Variants in COX20 observed in about 807,000 individuals in gnomAD.
COX20 encodes the protein cytochrome c oxidase assembly factor COX20.
Under a neutral mutation model 14.3 loss-of-function variants are expected in COX20, and 14 were observed. The ratio of observed to expected loss-of-function variants is 0.98; its 90% CI spans 0.65 to 1.53. COX20 has a LOEUF of 1.53. COX20 is among the 40% of genes most tolerant of loss of function. The probability of loss-of-function intolerance (pLI) is 0.00; values close to 1 mark genes in which losing one functional copy is unlikely to be tolerated. For synonymous variants in COX20, 56 were observed against 51.7 expected, an observed-to-expected ratio of 1.08 and a Z score of -0.36; for missense variants, 149 against 142.1, an observed-to-expected ratio of 1.05 and a Z score of -0.25.
At chr1:244,841,339 CAAAG>C (rs1297461989) in intron 1 of COX20, 1 of 152,208 alleles carries the variant, frequency 6.6e-6, no homozygotes, top group Non-Finnish European at 1.5e-5. Context: ...GTATTACGAA[CAAAG>C]AATCAAATAT....
rs1208640276 is a variant in COX20 at position 244,841,968 on chromosome 1, G to A, written c.67G>A (p.Asp23Asn). ...GTCCCTTAAGCTCCTAGGATTTTTA[G>A]ATGTTGAAAATACTCCCTGCGCCCG... Reference protein sequence around the residue: ...RKSLKLLGFLDVENTPCARHS... With the variant: ...RKSLKLLGFLNVENTPCARHS... The change falls in exon 2 of 4, where the codon GAT becomes AAT. Residue 23 changes from aspartate (D) to asparagine (N), a missense_variant. Physicochemically the swap from Asp to Asn is conservative, Grantham distance 23. Transcript: ENST00000411948. 1.9e-6 allele frequency: 3 copies of A among 1,602,852 alleles called. No homozygotes were observed. Among genetic ancestry groups the A allele is most frequent in the Non-Finnish European group, 2.6e-6 (3 of 1,171,560 alleles).
At position 244,843,318 on chromosome 1, in the gene COX20, G is replaced by C. The variant is rs189065914; in HGVS notation, c.*142G>C. On this transcript the variant is annotated 3_prime_UTR_variant, in exon 4 of 4. Transcript: ENST00000411948. ...CCACACTTGTGTGGAATGAAAACTTGCCAGTTTATTCTGGCCCTGTGTCTA... is the reference window on the plus strand; with the variant it reads ...CCACACTTGTGTGGAATGAAAACTTCCCAGTTTATTCTGGCCCTGTGTCTA... The C allele has an allele frequency of 9.8e-5, 94 of 963,588 alleles. No homozygotes were observed. The Admixed American group carries it at 2.8e-3, about 28-fold the overall frequency. The allele number at this position is 963,588 out of a possible 1,614,324, so 59.7% of individuals were successfully genotyped here. A position where few individuals can be genotyped will look rare whatever the true frequency, so the allele number is the denominator to read the frequency against.
At chr1:244,837,466 C>A (rs1306955313) in intron 1 of COX20, among the ~76,000 whole-genome samples, 1 of 152,154 alleles carries the variant, frequency 6.6e-6, no homozygotes, top group East Asian at 1.9e-4. Flanking sequence ...ATGGGAGTTA[C>A]CAAGCTGGCA....
rs1241404355 is a variant in COX20, at chr1:244,844,369, T to C, written c.*1193T>C. The C allele has an allele frequency of 6.6e-6, 1 of 152,216 alleles. No individual in the cohort carries two copies. Among genetic ancestry groups the C allele is most frequent in the Non-Finnish European group, 1.5e-5 (1 of 68,040 alleles). The allele number at this position is 152,216 out of a possible 1,614,324, so 9.4% of individuals were successfully genotyped here. On this transcript the variant is annotated 3_prime_UTR_variant, in exon 4 of 4. Transcript: ENST00000411948. Reference sequence around the variant, plus strand: ...CAAACACATGTTGAGGGAAAATTTTTACTGATTCACAAAAAGGAAGACAGT... The same window carrying C: ...CAAACACATGTTGAGGGAAAATTTTCACTGATTCACAAAAAGGAAGACAGT...
At chr1:244,842,116 T>G in intron 2 of COX20, 58 bp downstream of exon 2, 1 of 1,497,304 alleles carries the variant, frequency 6.7e-7, no homozygotes. Context: ...CTCTACATAA[T>G]GAACTATTTT....
At chr1:244,841,832 C>G in intron 1 of COX20, 112 bp from the exon 2 acceptor site, 1 of 650,666 alleles carries the variant, frequency 1.5e-6, no homozygotes, top group South Asian at 2.0e-5. Flanking sequence ...GGCACATACT[C>G]TAGTTTAAAC....
At position 244,842,054 on chromosome 1, in the gene COX20, C is replaced by G. The variant is rs1299650343; in HGVS notation, c.153C>G (p.Phe51Leu). 1 of 1,593,536 alleles carries G rather than the reference C, an allele frequency of 6.3e-7. No homozygotes were observed. The highest frequency in any genetic ancestry group is 1.3e-5 in the African/African-American group (1 of 74,336). The change falls in exon 2 of 4, where the codon TTC (phenylalanine) becomes TTG (leucine). Residue 51 changes from phenylalanine to leucine, a missense_variant. Coordinates refer to ENST00000411948, the MANE Select transcript of COX20 (RefSeq NM_198076.6). ...SVVAGFGHFL[F>L]TSRIRRSCDV... ...TGGCTGGCTTTGGACATTTTTTGTT[C>G]ACTAGTGAGTATCTGTATTTTTTAT...
intron 1 of COX20, among the ~76,000 whole-genome samples, chr1:244,837,429 A>G (rs1013092204): frequency 1.3e-5 from 2 of 152,170 alleles, no homozygotes; most frequent in East Asian, 1.9e-4. Context: ...TTATTTTATT[A>G]TAAGAATTAG....
intron 1 of COX20, among the ~76,000 whole-genome samples, chr1:244,837,296 A>C (rs1170373326): frequency 6.6e-6 from 1 of 152,222 alleles, no homozygotes; most frequent in Non-Finnish European, 1.5e-5. Context: ...CCCATCAAAA[A>C]GCTAATTAAA....
rs895752065 is a variant in COX20 at position 244,844,830 on chromosome 1, G to A, written c.*1654G>A. 1 of 151,854 alleles carries A rather than the reference G, an allele frequency of 6.6e-6. No individual in the cohort carries two copies. 9.4% of individuals were successfully genotyped at this position (151,854 alleles called of 1,614,324 possible). On this transcript the variant is annotated 3_prime_UTR_variant, in exon 4 of 4. Transcript: ENST00000411948. Reference sequence around the variant, plus strand: ...TCAGAGGCCGCACTGCATGAATGCGGGAAAATGTTGATGATCACTAATCAA... The same window carrying A: ...TCAGAGGCCGCACTGCATGAATGCGAGAAAATGTTGATGATCACTAATCAA...
rs935017980 is a variant in COX20 at position 244,835,695 on chromosome 1, G to C, written c.-20G>C. The C allele has an allele frequency of 2.4e-6, 3 of 1,253,370 alleles. No individual in the cohort carries two copies. Among genetic ancestry groups the C allele is most frequent in the East Asian group, 3.1e-5 (1 of 31,886 alleles). The allele number at this position is 1,253,370 out of a possible 1,614,324, so 77.6% of individuals were successfully genotyped here. A position where few individuals can be genotyped will look rare whatever the true frequency, so the allele number is the denominator to read the frequency against. Reference sequence around the variant, plus strand: ...GCGACCCCGGCGGTGCAGGGCGGGTGGAGTCGCGGAGTAGTCCTCATGGCC... The same window carrying C: ...GCGACCCCGGCGGTGCAGGGCGGGTCGAGTCGCGGAGTAGTCCTCATGGCC... On this transcript the variant is annotated 5_prime_UTR_variant, in exon 1 of 4. Transcript: ENST00000411948.
chr1:244,838,828 T>C (rs983527090), intron 1 of COX20, among the ~76,000 whole-genome samples: 2 of 152,134 alleles, frequency 1.3e-5, no homozygotes, highest in South Asian at 2.1e-4. Flanking sequence ...CTTCTTGCTC[T>C]GTTGCCCAGG....
At position 244,844,917 on chromosome 1, in the gene COX20, C is replaced by T. The variant is rs1680368230; in HGVS notation, c.*1741C>T. On this transcript the variant is annotated 3_prime_UTR_variant, in exon 4 of 4. Transcript: ENST00000411948. ...ATGCTCAGTTTTACCTTAGTTATTC[C>T]TTGGTATCCACAGGCCCAAGTCCCT... 1.3e-5 allele frequency: 2 copies of T among 152,400 alleles called. No homozygotes were observed. Among genetic ancestry groups the T allele is most frequent in the Non-Finnish European group, 2.9e-5 (2 of 68,026 alleles). 9.4% of individuals were successfully genotyped at this position (152,400 alleles called of 1,614,324 possible). A position where few individuals can be genotyped will look rare whatever the true frequency, so the allele number is the denominator to read the frequency against.
upstream of COX20, chr1:244,835,396 G>C (rs1679926285): frequency 3.3e-6 from 1 of 307,418 alleles, no homozygotes; most frequent in African/African-American, 2.2e-5. Context: ...GTCTGGCTCG[G>C]TTACGCCCCC....
chr1:244,842,358 T>C, intron 3 of COX20, 100 bp downstream of exon 3: 1 of 799,978 alleles, frequency 1.3e-6, no homozygotes, highest in Non-Finnish European at 2.2e-6. Context: ...TGGGAGATCC[T>C]CACCCTCAAT....
chr1:244,837,715 A>C (rs1260232623), intron 1 of COX20, among the ~76,000 whole-genome samples: 1 of 152,224 alleles, frequency 6.6e-6, no homozygotes, highest in African/African-American at 2.4e-5. Context: ...GGAATCAATA[A>C]GCAAGACTTC....
At chr1:244,839,500 G>T (rs1273716509) in intron 1 of COX20, among the ~76,000 whole-genome samples, 1 of 151,764 alleles carries the variant, frequency 6.6e-6, no homozygotes, top group East Asian at 2.1e-4. Flanking sequence ...TAAGTATGCA[G>T]GCTACTTAAG....
At chr1:244,838,859 C>G (rs950861038) in intron 1 of COX20, among the ~76,000 whole-genome samples, 6 of 152,058 alleles carry the variant, frequency 3.9e-5, no homozygotes, top group Admixed American at 1.3e-4. Context: ...GTGGTGCCAT[C>G]TTGGCTCACT....
chr1:244,837,433 G>C (rs539754252), intron 1 of COX20, among the ~76,000 whole-genome samples: 1 of 152,136 alleles, frequency 6.6e-6, no homozygotes, highest in Middle Eastern at 3.2e-3. Context: ...TTTATTATAA[G>C]AATTAGCAAA....
Sources: gnomAD v4.1 joint callset for allele counts (sites outside exome capture counted in the v4.1 genomes callset) on GRCh38, gnomAD v4.1.1 for gene constraint, MANE v1.5 for transcripts, NCBI Gene and HGNC (gene_info 2026-07-23, HGNC 2026-07-21) for gene names.